Variants in NCKAP5 observed in about 807,000 individuals in gnomAD.
The protein encoded by NCKAP5 is NCK associated protein 5, also known as nck-associated protein 5.
In NCKAP5, 92 loss-of-function variants were observed where a neutral mutation model predicts 167.0. The ratio of observed to expected loss-of-function variants is 0.55; its 90% CI spans 0.47 to 0.66. NCKAP5 has a LOEUF of 0.66. NCKAP5 is among the 30% of genes least tolerant of loss of function. The pLI is 0.00. For synonymous variants in NCKAP5, 891 were observed against 877.4 expected (o/e 1.02, Z -0.27); for missense variants, 2,378 against 2,315.0 (o/e 1.03, Z -0.56).
At chr2:132,937,992 T>C (rs986619095) in intron 8 of NCKAP5, among the ~76,000 whole-genome samples, 2 of 152,258 alleles carry the variant, frequency 1.3e-5, no homozygotes, top group Non-Finnish European at 2.9e-5. Context: ...GATCCTCAGC[T>C]TCTTGCCATG....
At chr2:132,898,384 G>A (rs1050246357) in intron 8 of NCKAP5, among the ~76,000 whole-genome samples, 1 of 152,080 alleles carries the variant, frequency 6.6e-6, no homozygotes, top group Admixed American at 6.6e-5. Flanking sequence ...TTATCCATTG[G>A]GGTTGGAATC....
intron 2 of NCKAP5, among the ~76,000 whole-genome samples, chr2:133,539,608 T>A (rs1686058411): frequency 6.6e-6 from 1 of 150,938 alleles, no homozygotes; most frequent in Non-Finnish European, 1.5e-5. Context: ...AGGAAGAAGA[T>A]CTACTATAAA....
intron 4 of NCKAP5, chr2:133,267,534 G>A (rs1391346934): frequency 6.6e-6 from 1 of 152,156 alleles, no homozygotes; most frequent in Non-Finnish European, 1.5e-5. Context: ...TAGTGTAATT[G>A]GCCAGGAAGC....
At chr2:133,099,121 C>T (rs771735208) in intron 6 of NCKAP5, among the ~76,000 whole-genome samples, 18 of 152,098 alleles carry the variant, frequency 1.2e-4, no homozygotes, top group Non-Finnish European at 2.2e-4. Context: ...GGGCAAGTTA[C>T]TGTGGTTCTT....
In NCKAP5 at chr2:132,783,642, G is replaced by A. The variant is rs748885196; in HGVS notation, c.3169C>T (p.Pro1057Ser). 1.2e-6 allele frequency: 2 copies of A among 1,613,876 alleles called. No individual in the cohort carries two copies. The highest frequency in any genetic ancestry group is 2.2e-5 in the East Asian group (1 of 44,856). ...KTSPRQTLGT[P>S]QRDIGLQTPR... ...GTCTGTAATCCTATGTCCCTTTGTG[G>A]GGTCCCAAGTGTTTGGCGAGGAGAG... is the stretch of plus-strand genomic sequence containing the variant. Residue 1057 changes from proline (P) to serine (S), a missense_variant, in exon 14 of 20, where the codon CCA becomes TCA. Coordinates refer to ENST00000409261, the MANE Select transcript of NCKAP5 (RefSeq NM_207363.3).
intron 3 of NCKAP5, among the ~76,000 whole-genome samples, chr2:133,384,705 ATTTG>A (rs1686800499): frequency 6.6e-6 from 1 of 152,192 alleles, no homozygotes; most frequent in South Asian, 2.1e-4. Context: ...ATGTTCTTCC[ATTTG>A]TTTGTGTCCT....
Position 133,517,428 on chromosome 2 carries a change from T to C in NCKAP5, c.69+30A>G, listed in dbSNP as rs1330285116. The C allele has an allele frequency of 3.8e-6, 5 of 1,314,386 alleles. No homozygotes were observed. The African/African-American group carries it at 4.5e-5, about 12-fold the overall frequency. The allele number at this position is 1,314,386 out of a possible 1,614,324, so 81.4% of individuals were successfully genotyped here. On this transcript the variant is annotated intron_variant, in intron 3 of 19. Coordinates refer to ENST00000409261, the MANE Select transcript of NCKAP5 (RefSeq NM_207363.3). ...ATAATGCATTCAAAGCCAAAACATA[T>C]AGAGTGGTAAATGAATATTTAGTAC... is the stretch of plus-strand genomic sequence containing the variant.
chr2:132,683,509 C>T (rs1685524524), intron 19 of NCKAP5, among the ~76,000 whole-genome samples: 1 of 152,158 alleles, frequency 6.6e-6, no homozygotes, highest in African/African-American at 2.4e-5. Context: ...TAGGCTTGGT[C>T]AGCAGTTGGG....
chr2:133,179,236 T>G, intron 5 of NCKAP5, among the ~76,000 whole-genome samples: 1 of 152,016 alleles, frequency 6.6e-6, no homozygotes, highest in Non-Finnish European at 1.5e-5. Context: ...GATTTGGTTT[T>G]TTTTTTTTTT....
At chr2:133,270,091 A>T (rs1334321535) in intron 4 of NCKAP5, among the ~76,000 whole-genome samples, 1 of 152,192 alleles carries the variant, frequency 6.6e-6, no homozygotes, top group Admixed American at 6.5e-5. Flanking sequence ...TTTAAAAATA[A>T]CTTACGTAAA....
rs181458645 is a variant in NCKAP5, at chr2:133,275,142, C to A, written c.143+27895G>T. Among the ~76,000 whole-genome samples the A allele has an allele frequency of 6.6e-5, 10 of 151,852 alleles. No homozygotes were observed. The South Asian group carries it at 2.1e-3, about 32-fold the overall frequency. ...CAGTTCATAGAAGATAGTTAAGTGG[C>A]AATAACTATATTAAAACTGCTTAAT... On this transcript the variant is annotated intron_variant, in intron 4 of 19. Transcript: ENST00000409261.
At chr2:132,869,903 C>T (rs1046150512) in intron 9 of NCKAP5, among the ~76,000 whole-genome samples, 9 of 152,318 alleles carry the variant, frequency 5.9e-5, no homozygotes, top group African/African-American at 2.2e-4. Context: ...AAGGTAGTCA[C>T]TGTTATTTTG....
chr2:132,922,653 C>T (rs1558945927), intron 8 of NCKAP5, among the ~76,000 whole-genome samples: 1 of 152,130 alleles, frequency 6.6e-6, no homozygotes, highest in Admixed American at 6.6e-5. Flanking sequence ...CTTCATATTG[C>T]AATGCATTAT....
intron 10 of NCKAP5, among the ~76,000 whole-genome samples, chr2:132,866,527 C>T (rs866595975): frequency 7.2e-5 from 11 of 152,082 alleles, no homozygotes; most frequent in South Asian, 2.1e-4. Flanking sequence ...TGACGAGGTA[C>T]ACTGAACAGA....
chr2:133,163,813 A>G (rs1035115131), intron 5 of NCKAP5, among the ~76,000 whole-genome samples: 4 of 152,196 alleles, frequency 2.6e-5, no homozygotes, highest in Non-Finnish European at 5.9e-5. Context: ...TTTCTAGGTC[A>G]AGTAGTAATT....
the NCKAP5 span, among the ~76,000 whole-genome samples, chr2:133,613,305 A>G: frequency 7.3e-3 from 1,115 of 152,302 alleles, 14 homozygotes; most frequent in African/African-American, 0.025. Flanking sequence ...GGTACTTTAT[A>G]ACAGAAAACA....
At position 132,783,163 on chromosome 2, in the gene NCKAP5, C is replaced by G. The variant is rs538021978; in HGVS notation, c.3648G>C (p.Gln1216His). The G allele has an allele frequency of 6.2e-7, 1 of 1,613,720 alleles. No individual in the cohort carries two copies. Among genetic ancestry groups the G allele is most frequent in the African/African-American group, 1.3e-5 (1 of 75,024 alleles). ...RNVTLPDSQA[Q>H]GSLADGLPLE... ...GGGGAAGCCCATCAGCTAAACTGCC[C>G]TGTGCTTGTGAATCCGGTAGGGTCA... The change falls in exon 14 of 20, where the codon CAG becomes CAC. Residue 1216 changes from glutamine to histidine, a missense_variant. Physicochemically the swap from Gln to His is conservative, Grantham distance 24 (BLOSUM62 0). Around this residue, in one of 3 missense-constraint regions of NCKAP5, gnomAD observed 1,325 missense variants for 1,274.5 expected, o/e 1.04. Coordinates refer to ENST00000409261, the MANE Select transcript of NCKAP5 (RefSeq NM_207363.3).
intron 8 of NCKAP5, among the ~76,000 whole-genome samples, chr2:132,915,113 G>A (rs575682908): frequency 1.3e-5 from 2 of 152,128 alleles, no homozygotes; most frequent in East Asian, 3.9e-4. Flanking sequence ...GGTGCTCGCT[G>A]TTGCACCAGA....
At chr2:132,852,182 T>C (rs1190201399) in intron 11 of NCKAP5, among the ~76,000 whole-genome samples, 3 of 152,236 alleles carry the variant, frequency 2.0e-5, no homozygotes, top group Non-Finnish European at 4.4e-5. Context: ...TAGGTTACTA[T>C]GATAGACATT....
Sources: allele counts gnomAD v4.1 joint callset (sites outside exome capture counted in the v4.1 genomes callset), GRCh38; gene constraint gnomAD v4.1.1; regional missense constraint gnomAD v4.1.1; transcripts MANE v1.5; gene names NCBI Gene and HGNC (gene_info 2026-07-23, HGNC 2026-07-21).